FOXP1: variants seen among roughly 807,000 people sequenced by gnomAD.
FOXP1 encodes the protein forkhead box P1, also known as forkhead box protein P1.
In FOXP1, 15 loss-of-function variants were observed where a neutral mutation model predicts 98.2. That is an observed-to-expected ratio of 0.15 (90% CI 0.10 to 0.24). The LOEUF is 0.24. Among genes scored for constraint, FOXP1 ranks in the 10% least tolerant of loss-of-function variants. The pLI is 1.00. For missense variants in FOXP1, 633 were observed against 848.5 expected, an observed-to-expected ratio of 0.75 and a Z score of 3.15; for synonymous variants, 371 against 314.5, an observed-to-expected ratio of 1.18 and a Z score of -1.90.
intron 6 of FOXP1, among the ~76,000 whole-genome samples, chr3:71,149,093 G>A (rs1237796590): frequency 6.6e-6 from 1 of 152,194 alleles, no homozygotes; most frequent in African/African-American, 2.4e-5. Flanking sequence ...TCTGTGTCAG[G>A]CGCTGAAGAC....
intron 3 of FOXP1, among the ~76,000 whole-genome samples, chr3:71,461,831 A>G (rs1577645765): frequency 6.8e-6 from 1 of 147,024 alleles, no homozygotes; most frequent in Non-Finnish European, 1.5e-5. Context: ...AAAACAAGGT[A>G]ACTGCTTACA....
Position 71,105,907 on chromosome 3 carries a change from TG to T in FOXP1, c.282+6628del, listed in dbSNP as rs1345744927. Among the ~76,000 whole-genome samples, 3 of 152,212 alleles carry T rather than the reference TG, an allele frequency of 2.0e-5. No individual in the cohort carries two copies. The South Asian group carries it at 6.2e-4, about 31-fold the overall frequency. On this transcript the variant is annotated intron_variant, in intron 7 of 20. Transcript: ENST00000649528. ...TTGTTGGTTTCAGCTGTCTTTTTTT[TG>T]CTTATAATATGGAAAATAGCGTAAT...
intron 3 of FOXP1, among the ~76,000 whole-genome samples, chr3:71,451,165 C>T (rs564194047): frequency 6.6e-6 from 1 of 152,308 alleles, no homozygotes; most frequent in East Asian, 1.9e-4. Flanking sequence ...CAGCTGCCTA[C>T]TACTGTGGTT....
intron 11 of FOXP1, among the ~76,000 whole-genome samples, chr3:71,016,656 AACACACACACACACAC>A (rs4056100): frequency 6.8e-6 from 1 of 146,148 alleles, no homozygotes; most frequent in Non-Finnish European, 1.5e-5. Context: ...TGATTACAAG[AACACACACACACACAC>A]ACACACACAC....
At chr3:71,245,230 G>T (rs1200666012) in intron 5 of FOXP1, 1 of 152,170 alleles carries the variant, frequency 6.6e-6, no homozygotes, top group Non-Finnish European at 1.5e-5. Context: ...CTCCTCTGAC[G>T]GGGAGGTAAC....
chr3:71,518,418 A>G (rs1373451673), intron 2 of FOXP1, among the ~76,000 whole-genome samples: 1 of 152,230 alleles, frequency 6.6e-6, no homozygotes, highest in Non-Finnish European at 1.5e-5. Flanking sequence ...AGAAAGCACT[A>G]TCCTTGCCCT....
intron 7 of FOXP1, among the ~76,000 whole-genome samples, chr3:71,089,177 C>T (rs566125908): frequency 1.3e-4 from 20 of 152,300 alleles, no homozygotes; most frequent in South Asian, 2.1e-4. Context: ...ATGTCAGGGC[C>T]GGTCTCTGTG....
At chr3:71,327,436 G>A (rs2075759232) in intron 4 of FOXP1, among the ~76,000 whole-genome samples, 1 of 144,038 alleles carries the variant, frequency 6.9e-6, no homozygotes, top group African/African-American at 2.6e-5. Flanking sequence ...CACCCAGGCT[G>A]GAGTGCAGTG....
intron 5 of FOXP1, chr3:71,289,635 G>A (rs2072542028): frequency 6.6e-6 from 1 of 151,970 alleles, no homozygotes. Flanking sequence ...TTTTAATGGT[G>A]TTGGCTTTTT....
At chr3:71,507,788 A>G (rs558644487) in intron 2 of FOXP1, among the ~76,000 whole-genome samples, 27 of 152,324 alleles carry the variant, frequency 1.8e-4, no homozygotes, top group Admixed American at 2.0e-4. Flanking sequence ...CATGTTAGCC[A>G]GGATGGTCTC....
chr3:71,130,733 G>C (rs1487209312), intron 6 of FOXP1: 1 of 1,488,370 alleles, frequency 6.7e-7, no homozygotes, highest in African/African-American at 1.4e-5. Flanking sequence ...GTAGCTGGCT[G>C]GGCTCTCACT....
At chr3:71,544,531 G>GCAAAAA (rs2045197117) in intron 2 of FOXP1, among the ~76,000 whole-genome samples, 1 of 152,158 alleles carries the variant, frequency 6.6e-6, no homozygotes, top group African/African-American at 2.4e-5. Flanking sequence ...GACACCAATG[G>GCAAAAA]CAAAAACATA....
chr3:71,192,637 A>G (rs967936285), intron 6 of FOXP1, among the ~76,000 whole-genome samples: 1 of 152,136 alleles, frequency 6.6e-6, no homozygotes, highest in African/African-American at 2.4e-5. Flanking sequence ...AATAATTTTC[A>G]TTTGCTTGTG....
chr3:71,539,590 T>C (rs920898134), intron 2 of FOXP1, among the ~76,000 whole-genome samples: 9 of 152,092 alleles, frequency 5.9e-5, no homozygotes, highest in African/African-American at 1.2e-4. Context: ...TTGATAACAA[T>C]AAGTCTTCCA....
chr3:71,046,815 C>CT, intron 10 of FOXP1, 127 bp downstream of exon 10: 2 of 1,173,352 alleles, frequency 1.7e-6, no homozygotes, highest in South Asian at 2.5e-5. Flanking sequence ...TCCCACTCCA[C>CT]TTTTCTTAAA....
intron 3 of FOXP1, among the ~76,000 whole-genome samples, chr3:71,481,776 T>C (rs946597561): frequency 6.6e-6 from 1 of 152,172 alleles, no homozygotes; most frequent in African/African-American, 2.4e-5. Flanking sequence ...ACCCATTTCA[T>C]TTCTACTTCT....
At chr3:70,965,580 A>G (rs1321058243) in intron 20 of FOXP1, among the ~76,000 whole-genome samples, 1 of 152,178 alleles carries the variant, frequency 6.6e-6, no homozygotes, top group Non-Finnish European at 1.5e-5. Flanking sequence ...ATAGGAATGC[A>G]TATTAGTTTG....
intron 5 of FOXP1, among the ~76,000 whole-genome samples, chr3:71,230,596 C>T (rs1332401023): frequency 6.6e-6 from 1 of 152,074 alleles, no homozygotes; most frequent in African/African-American, 2.4e-5. Flanking sequence ...GTAGTTAATC[C>T]GTAGCTAAAA....
chr3:71,425,929 T>A, intron 3 of FOXP1, among the ~76,000 whole-genome samples: 1 of 152,194 alleles, frequency 6.6e-6, no homozygotes. Context: ...CTGAACCACA[T>A]CAATCAATAG....
Sources: allele counts gnomAD v4.1 joint callset (sites outside exome capture counted in the v4.1 genomes callset), GRCh38; gene constraint gnomAD v4.1.1; transcripts MANE v1.5; gene names NCBI Gene and HGNC (gene_info 2026-07-23, HGNC 2026-07-21).